PARP3: variants seen among roughly 807,000 people sequenced by gnomAD.
The protein encoded by PARP3 is protein mono-ADP-ribosyltransferase PARP3.
A neutral mutation model predicts 58.2 loss-of-function variants in PARP3; 46 were observed. That is an observed-to-expected ratio of 0.79 (90% CI 0.62 to 1.01). The LOEUF (loss-of-function observed/expected upper bound fraction) is 1.01. Among genes scored for constraint, PARP3 ranks in the 50% least tolerant of loss-of-function variants. The pLI is 0.00. For missense variants in PARP3, 663 were observed against 683.9 expected (o/e 0.97, Z 0.34); for synonymous variants, 252 against 266.4 (o/e 0.95, Z 0.53).
rs773026320 is a variant in PARP3 at position 51,947,861 on chromosome 3, C to T, written c.1398C>T (p.Phe466=). Reference sequence around the variant, plus strand: ...GCTTGAAGAGCCCACCTCCTGGCTTCGACAGTGTCATTGCCCGAGGCCACA... The same window carrying T: ...GCTTGAAGAGCCCACCTCCTGGCTTTGACAGTGTCATTGCCCGAGGCCACA... The part of the protein sequence containing the change: ...NPSLKSPPPG[F]DSVIARGHTE... The change falls in exon 10 of 11, where the codon TTC becomes TTT. Residue 466 remains phenylalanine (F), a synonymous_variant. Coordinates refer to ENST00000398755, the MANE Select transcript of PARP3 (RefSeq NM_001003931.4). The T allele has an allele frequency of 1.2e-5, 19 of 1,613,890 alleles. No individual in the cohort carries two copies. Among genetic ancestry groups the T allele is most frequent in the African/African-American group, 1.1e-4 (8 of 74,866 alleles).
In PARP3 at chr3:51,944,879, G is replaced by A. The variant is rs1316539453; in HGVS notation, c.603G>A (p.Met201Ile). 13 of 1,613,868 alleles carry A rather than the reference G, an allele frequency of 8.1e-6. No individual in the cohort carries two copies. The highest frequency in any genetic ancestry group is 2.7e-5 in the African/African-American group (2 of 74,926). The change falls in exon 5 of 11, where the codon ATG (methionine) becomes ATA (isoleucine). Residue 201 changes from methionine to isoleucine, a missense_variant. Physicochemically the swap from Met to Ile is conservative, Grantham distance 10. Around this residue, in one of 3 missense-constraint regions of PARP3, gnomAD observed 567 missense variants for 553.6 expected, o/e 1.02. Transcript: ENST00000398755. The surrounding 1 kb of genome is among the most constrained non-coding windows in gnomAD (Gnocchi z 4.2). ...TCACTAACATCTTCAGCAAGGAGAT[G>A]TTCAAGAACACCATGGCCCTCATGG... ...KLITNIFSKEMFKNTMALMDL... is the reference protein window; with the variant it reads ...KLITNIFSKEIFKNTMALMDL...
rs752723996 is a variant in PARP3, at chr3:51,947,760, GC to G, written c.1300del (p.His434ThrfsTer26). The stretch of plus-strand genomic sequence containing the variant: ...TGCAGTTATTGGCATGAAGTGTGGG[GC>G]CCACCATGTCGGCTACATGTTCCTG... ...AGYVIGMKCG[A>X]HHVGYMFLGE... On this transcript the variant is annotated frameshift_variant, in exon 10 of 11. Transcript: ENST00000398755. LOFTEE classifies it high-confidence loss of function. The G allele has an allele frequency of 8.1e-6, 13 of 1,614,128 alleles. No homozygotes were observed. The highest frequency in any genetic ancestry group is 1.1e-5 in the Non-Finnish European group (13 of 1,179,994).
Position 51,944,358 on chromosome 3 carries a change from G to A in PARP3, c.313-32G>A. On this transcript the variant is annotated intron_variant, in intron 3 of 10. Coordinates refer to ENST00000398755, the MANE Select transcript of PARP3 (RefSeq NM_001003931.4). The surrounding 1 kb of genome is among the most constrained non-coding windows in gnomAD (Gnocchi z 4.2). ...ACACACAGGCCAGCAAATGCTGATGGTGGGCATACCCCTGAAGGCTGTCGG... is the reference window on the plus strand; with the variant it reads ...ACACACAGGCCAGCAAATGCTGATGATGGGCATACCCCTGAAGGCTGTCGG... 1 of 1,612,430 alleles carries A rather than the reference G, an allele frequency of 6.2e-7. No individual in the cohort carries two copies. Among genetic ancestry groups the A allele is most frequent in the Non-Finnish European group, 8.5e-7 (1 of 1,179,202 alleles).
rs1699620107 is a variant in PARP3, at chr3:51,944,380, T to C, written c.313-10T>C. The C allele has an allele frequency of 6.2e-7, 1 of 1,613,272 alleles. No homozygotes were observed. Among genetic ancestry groups the C allele is most frequent in the Non-Finnish European group, 8.5e-7 (1 of 1,179,866 alleles). On this transcript the variant is annotated splice_polypyrimidine_tract_variant and intron_variant, in intron 3 of 10. Transcript: ENST00000398755. The surrounding 1 kb of genome is among the most constrained non-coding windows in gnomAD (Gnocchi z 4.2). ...ATGGTGGGCATACCCCTGAAGGCTG[T>C]CGGTTGCAGGGAGAGGTCGGCCAGT...
chr3:51,944,210 G>A lies in PARP3; in HGVS notation c.305G>A (p.Gly102Asp), dbSNP rs1466029720. The A allele has an allele frequency of 4.3e-6, 7 of 1,614,004 alleles. No individual in the cohort carries two copies. Among genetic ancestry groups the A allele is most frequent in the Non-Finnish European group, 5.9e-6 (7 of 1,180,010 alleles). ...TTCTTCACCTGCTGGAACCGCTGGG[G>A]CCGTGTGGTGAGTGCCCTGCCTGCT... ...NRFFTCWNRWGRVGEVGQSKI... is the reference protein window; with the variant it reads ...NRFFTCWNRWDRVGEVGQSKI... The change falls in exon 3 of 11, where the codon GGC (glycine) becomes GAC (aspartate). Residue 102 changes from glycine to aspartate, a missense_variant. Physicochemically the swap from Gly to Asp is moderately conservative, Grantham distance 94. Transcript: ENST00000398755. This position sits in a 1 kb window ranked among gnomAD's most constrained non-coding sequence, Gnocchi z 4.2.
At position 51,944,224 on chromosome 3, in the gene PARP3, G is replaced by T; in HGVS notation, c.312+7G>T. ...GAACCGCTGGGGCCGTGTGGTGAGT[G>T]CCCTGCCTGCTCTGCACATACTCCC... On this transcript the variant is annotated splice_region_variant and intron_variant, in intron 3 of 10. Transcript: ENST00000398755. The surrounding 1 kb of genome is among the most constrained non-coding windows in gnomAD (Gnocchi z 4.2). 6.2e-7 allele frequency: 1 copy of T among 1,613,916 alleles called. No homozygotes were observed. Among genetic ancestry groups the T allele is most frequent in the Non-Finnish European group, 8.5e-7 (1 of 1,179,960 alleles).
intron 10 of PARP3, 77 bp downstream of exon 10, chr3:51,947,972 G>A (rs1252767852): frequency 2.2e-6 from 3 of 1,368,078 alleles, no homozygotes; most frequent in African/African-American, 1.4e-5. Context: ...CAGGGAGGGG[G>A]CTGTGAAGAG....
At chr3:51,943,262 T>C in intron 1 of PARP3, 92 bp from the exon 2 acceptor site, 1 of 1,314,726 alleles carries the variant, frequency 7.6e-7, no homozygotes, top group Non-Finnish European at 1.0e-6. Context: ...GTTGGTGCTG[T>C]GCTGGCCCAG....
rs1344714789 is a variant in PARP3 at position 51,944,449 on chromosome 3, C to T, written c.372C>T (p.Asp124=). ...CAAGGCTAGAAGATGCAAAGAAGGACTTTGAGAAGAAATTTCGGGAAAAGA... is the reference window on the plus strand; with the variant it reads ...CAAGGCTAGAAGATGCAAAGAAGGATTTTGAGAAGAAATTTCGGGAAAAGA... The part of the protein sequence containing the change: ...HFTRLEDAKK[D]FEKKFREKTK... Residue 124 remains aspartate, a synonymous_variant, in exon 4 of 11, where the codon GAC becomes GAT. Coordinates refer to ENST00000398755, the MANE Select transcript of PARP3 (RefSeq NM_001003931.4). This position sits in a 1 kb window ranked among gnomAD's most constrained non-coding sequence, Gnocchi z 4.2. 8 of 1,614,130 alleles carry T rather than the reference C, an allele frequency of 5.0e-6. No homozygotes were observed. In the East Asian group the frequency reaches 1.8e-4, roughly 36 times the overall value.
At position 51,946,133 on chromosome 3, in the gene PARP3, A is replaced by G. The variant is rs1198605746; in HGVS notation, c.1099-33A>G. On this transcript the variant is annotated intron_variant, in intron 8 of 10. Transcript: ENST00000398755. This position sits in a 1 kb window ranked among gnomAD's most constrained non-coding sequence, Gnocchi z 4.6. Reference sequence around the variant, plus strand: ...CAAGGCGACTGAGTGCTCGGGTGGCATCACTCCCATTTCTCACTTCCTCTC... The same window carrying G: ...CAAGGCGACTGAGTGCTCGGGTGGCGTCACTCCCATTTCTCACTTCCTCTC... The G allele has an allele frequency of 6.4e-7, 1 of 1,562,492 alleles. No homozygotes were observed.
intron 10 of PARP3, 81 bp downstream of exon 10, chr3:51,947,976 TGAA>T: frequency 1.5e-6 from 2 of 1,346,942 alleles, no homozygotes; most frequent in Non-Finnish European, 2.1e-6. Context: ...GAGGGGGCTG[TGAA>T]GAGGGACAAA....
chr3:51,944,246 TC>T lies in PARP3; in HGVS notation c.312+33del. 1 of 1,612,686 alleles carries T rather than the reference TC, an allele frequency of 6.2e-7. No homozygotes were observed. Among genetic ancestry groups the T allele is most frequent in the East Asian group, 2.2e-5 (1 of 44,822 alleles). On this transcript the variant is annotated intron_variant, in intron 3 of 10. Transcript: ENST00000398755. The surrounding 1 kb of genome is among the most constrained non-coding windows in gnomAD (Gnocchi z 4.2). ...AGTGCCCTGCCTGCTCTGCACATAC[TC>T]CCCAGGGTCCTCAAAAGGCCACAGC...
chr3:51,944,891 C>T lies in PARP3; in HGVS notation c.615C>T (p.Thr205=). ...NIFSKEMFKN[T]MALMDLDVKK... is the part of the protein sequence containing the mutation. ...TCAGCAAGGAGATGTTCAAGAACACCATGGCCCTCATGGACCTGGGTGAGG... is the reference window on the plus strand; with the variant it reads ...TCAGCAAGGAGATGTTCAAGAACACTATGGCCCTCATGGACCTGGGTGAGG... Residue 205 remains threonine (T), a synonymous_variant, in exon 5 of 11, where the codon ACC becomes ACT. Transcript: ENST00000398755. This position sits in a 1 kb window ranked among gnomAD's most constrained non-coding sequence, Gnocchi z 4.2. The T allele has an allele frequency of 6.2e-7, 1 of 1,613,892 alleles. No homozygotes were observed. Among genetic ancestry groups the T allele is most frequent in the Non-Finnish European group, 8.5e-7 (1 of 1,180,020 alleles).
Position 51,948,450 on chromosome 3 carries a change from C to T in PARP3, c.1572C>T (p.Arg524=), listed in dbSNP as rs757867537. 3.1e-6 allele frequency: 5 copies of T among 1,614,154 alleles called. No individual in the cohort carries two copies. The South Asian group carries it at 5.5e-5, about 18-fold the overall frequency. Residue 524 remains arginine, a synonymous_variant, in exon 11 of 11, where the codon CGC becomes CGT. Transcript: ENST00000398755. ...TCATCTACCAGGAGAGCCAGTGTCG[C>T]CTGCGCTACCTGCTGGAGGTCCACC... ...EYLIYQESQC[R]LRYLLEVHL
intron 1 of PARP3, 88 bp from the exon 2 acceptor site, chr3:51,943,266 G>A (rs776342677): frequency 7.5e-7 from 1 of 1,335,214 alleles, no homozygotes; most frequent in Non-Finnish European, 1.0e-6. Flanking sequence ...GTGCTGTGCT[G>A]GCCCAGGGCA....
At position 51,943,192 on chromosome 3, in the gene PARP3, G is replaced by A. The variant is rs75375232; in HGVS notation, c.-2-162G>A. 550 of 927,950 alleles carry A rather than the reference G, an allele frequency of 5.9e-4. 3 individuals carry two copies. The African/African-American group carries it at 7.3e-3, about 12-fold the overall frequency. The allele number at this position is 927,950 out of a possible 1,614,324, so 57.5% of individuals were successfully genotyped here. A position where few individuals can be genotyped will look rare whatever the true frequency, so the allele number is the denominator to read the frequency against. On this transcript the variant is annotated intron_variant, in intron 1 of 10. Coordinates refer to ENST00000398755, the MANE Select transcript of PARP3 (RefSeq NM_001003931.4). ...GGTGTGGTCTGGGGCTGGGAATGCC[G>A]TCAGAGTGGACACAGGATGCAGTGG...
intron 9 of PARP3, among the ~76,000 whole-genome samples, chr3:51,947,185 T>G (rs1278643664): frequency 2.6e-5 from 4 of 151,616 alleles, no homozygotes; most frequent in African/African-American, 7.3e-5. Flanking sequence ...TGGCCAGGAG[T>G]GTCCTCACCA....
Position 51,945,171 on chromosome 3 carries a change from C to A in PARP3, c.808C>A (p.Pro270Thr), listed in dbSNP as rs759376439. 1 of 1,614,056 alleles carries A rather than the reference C, an allele frequency of 6.2e-7. No individual in the cohort carries two copies. Among genetic ancestry groups the A allele is most frequent in the South Asian group, 1.1e-5 (1 of 91,090 alleles). The change falls in exon 6 of 11, where the codon CCC becomes ACC. Residue 270 changes from proline to threonine, a missense_variant. Around this residue, in one of 3 missense-constraint regions of PARP3, gnomAD observed 567 missense variants for 553.6 expected, o/e 1.02. Transcript: ENST00000398755. Reference protein sequence around the residue: ...VIPHNFGHSQPPPINSPELLQ... With the variant: ...VIPHNFGHSQTPPINSPELLQ... ...CCCGCACAACTTCGGCCACAGCCAGCCCCCGCCCATCAATTCCCCTGAGCT... is the reference window on the plus strand; with the variant it reads ...CCCGCACAACTTCGGCCACAGCCAGACCCCGCCCATCAATTCCCCTGAGCT...
At chr3:51,945,823 C>G (rs1462986971) in intron 7 of PARP3, 30 bp from the exon 8 acceptor site, 9 of 1,598,950 alleles carry the variant, frequency 5.6e-6, no homozygotes, top group Non-Finnish European at 7.7e-6. Context: ...AGCCTCCCAC[C>G]CTGGCAACCA....
Sources: gnomAD v4.1 joint callset for allele counts (sites outside exome capture counted in the v4.1 genomes callset) on GRCh38, gnomAD v4.1.1 for gene constraint, gnomAD v4.1.1 regional missense constraint, Gnocchi (gnomAD v3.1) non-coding constraint, MANE v1.5 for transcripts, NCBI Gene and HGNC (gene_info 2026-07-23, HGNC 2026-07-21) for gene names.